Variants in PDE7B observed in about 807,000 individuals in gnomAD.
PDE7B encodes 3',5'-cyclic-AMP phosphodiesterase 7B.
PDE7B carries 29 observed loss-of-function variants against 56.2 expected under a neutral mutation model. The observed-to-expected ratio is 0.52, with a 90% CI of 0.38 to 0.70. The LOEUF (loss-of-function observed/expected upper bound fraction) is 0.70, where lower values mean the gene tolerates loss of function less well. PDE7B is among the 30% of genes least tolerant of loss of function. The pLI is 0.00. For synonymous variants in PDE7B, 197 were observed against 196.9 expected, an observed-to-expected ratio of 1.00 and a Z score of 0.00; for missense variants, 490 against 565.0, an observed-to-expected ratio of 0.87 and a Z score of 1.35.
intron 2 of PDE7B, among the ~76,000 whole-genome samples, chr6:136,056,113 G>A (rs1776724885): frequency 6.6e-6 from 1 of 152,150 alleles, no homozygotes; most frequent in African/African-American, 2.4e-5. Flanking sequence ...AATCTGGATG[G>A]CACTAGAAAG....
chr6:136,087,918 AAAAT>A (rs1270726930), intron 2 of PDE7B, among the ~76,000 whole-genome samples: 1 of 152,208 alleles, frequency 6.6e-6, no homozygotes, highest in Non-Finnish European at 1.5e-5. Context: ...TTAAATAAAT[AAAAT>A]AAATAAGCAA....
intron 1 of PDE7B, among the ~76,000 whole-genome samples, chr6:135,914,865 T>G (rs369232438): frequency 1.3e-5 from 2 of 150,054 alleles, no homozygotes; most frequent in East Asian, 4.0e-4. Context: ...GAGGCCGAGG[T>G]GGGCAGATCA....
intron 2 of PDE7B, among the ~76,000 whole-genome samples, chr6:135,962,319 A>G (rs1774916246): frequency 6.6e-6 from 1 of 152,096 alleles, no homozygotes; most frequent in African/African-American, 2.4e-5. Flanking sequence ...AGTGTTTTCA[A>G]TTGGCCTTTT....
chr6:135,858,128 T>A (rs1775072052), intron 1 of PDE7B, among the ~76,000 whole-genome samples: 1 of 152,082 alleles, frequency 6.6e-6, no homozygotes, highest in Non-Finnish European at 1.5e-5. Flanking sequence ...ATTTTATGTT[T>A]TTCATTTTAT....
intron 1 of PDE7B, among the ~76,000 whole-genome samples, chr6:135,889,523 C>T (rs1775770894): frequency 6.7e-6 from 1 of 148,942 alleles, no homozygotes; most frequent in African/African-American, 2.5e-5. Flanking sequence ...TCACTGTAAC[C>T]TCCACCTCCT....
At chr6:135,859,664 G>T (rs1007775008) in intron 1 of PDE7B, among the ~76,000 whole-genome samples, 2 of 151,872 alleles carry the variant, frequency 1.3e-5, no homozygotes, top group Non-Finnish European at 2.9e-5. Context: ...TGCCCCAAGT[G>T]CCCATGTGTG....
At position 136,078,585 on chromosome 6, in the gene PDE7B, G is replaced by GA. The variant is rs11323054; in HGVS notation, c.83-30135dup. Among the ~76,000 whole-genome samples, 501 of 145,572 alleles carry GA rather than the reference G, an allele frequency of 3.4e-3. 4 individuals are homozygous for GA. The highest frequency in any genetic ancestry group is 7.7e-3 in the African/African-American group (305 of 39,480). ...GGTGGTGAAAATGTTTAAAAATCCTGAAAAAAAAAAAGGTATTATGTAAAA... is the reference window on the plus strand; with the variant it reads ...GGTGGTGAAAATGTTTAAAAATCCTGAAAAAAAAAAAAGGTATTATGTAAAA... On this transcript the variant is annotated intron_variant, in intron 2 of 12. Coordinates refer to ENST00000308191, the MANE Select transcript of PDE7B (RefSeq NM_018945.4).
chr6:135,975,086 T>A (rs1180404561), intron 2 of PDE7B, among the ~76,000 whole-genome samples: 1 of 151,478 alleles, frequency 6.6e-6, no homozygotes, highest in Non-Finnish European at 1.5e-5. Context: ...GCTCTGCCAC[T>A]GCCACAAAAT....
chr6:136,104,061 G>A (rs1296046923), intron 2 of PDE7B, among the ~76,000 whole-genome samples: 1 of 152,212 alleles, frequency 6.6e-6, no homozygotes, highest in Non-Finnish European at 1.5e-5. Flanking sequence ...TCCTCAGGGA[G>A]GGTGAGGGGC....
chr6:136,120,031 A>C (rs1777904728), intron 3 of PDE7B, among the ~76,000 whole-genome samples: 1 of 152,154 alleles, frequency 6.6e-6, no homozygotes, highest in Admixed American at 6.5e-5. Flanking sequence ...GACGATTCAC[A>C]AGTGCACATC....
chr6:136,049,957 G>A (rs543344536), intron 2 of PDE7B, among the ~76,000 whole-genome samples: 1 of 151,412 alleles, frequency 6.6e-6, no homozygotes, highest in East Asian at 1.9e-4. Context: ...TTTTTATGGT[G>A]AGAAAGCTGA....
At chr6:136,167,653 C>T (rs1317143097) in intron 8 of PDE7B, among the ~76,000 whole-genome samples, 1 of 152,168 alleles carries the variant, frequency 6.6e-6, no homozygotes, top group Non-Finnish European at 1.5e-5. Context: ...TATACCATCT[C>T]TACCACCACT....
intron 11 of PDE7B, among the ~76,000 whole-genome samples, chr6:136,183,570 T>A (rs1344915472): frequency 1.5e-5 from 2 of 130,756 alleles, no homozygotes; most frequent in Non-Finnish European, 3.1e-5. Context: ...CACTCCAGCC[T>A]GGGTGACAGA....
intron 2 of PDE7B, among the ~76,000 whole-genome samples, chr6:135,959,346 G>C (rs1774857332): frequency 6.6e-6 from 1 of 152,126 alleles, no homozygotes; most frequent in Admixed American, 6.5e-5. Flanking sequence ...ACTATGTCAA[G>C]CTGCTTTCTA....
At chr6:136,153,165 A>G (rs1192568734) in intron 6 of PDE7B, among the ~76,000 whole-genome samples, 1 of 152,250 alleles carries the variant, frequency 6.6e-6, no homozygotes, top group Non-Finnish European at 1.5e-5. Context: ...CATAGGGCCA[A>G]ATAATTTTGA....
At chr6:135,917,585 C>A (rs1773979712) in intron 1 of PDE7B, among the ~76,000 whole-genome samples, 2 of 151,626 alleles carry the variant, frequency 1.3e-5, no homozygotes, top group Non-Finnish European at 2.9e-5. Context: ...TTCAAGTCTG[C>A]CTCTATTGAT....
At chr6:136,006,018 T>C (rs1265240947) in intron 2 of PDE7B, among the ~76,000 whole-genome samples, 1 of 151,786 alleles carries the variant, frequency 6.6e-6, no homozygotes, top group Non-Finnish European at 1.5e-5. Flanking sequence ...TGGAATACTA[T>C]GCAGCCATAA....
chr6:135,928,465 T>TTATTTATATATATA (rs1774232011), intron 1 of PDE7B, among the ~76,000 whole-genome samples: 2 of 75,562 alleles, frequency 2.6e-5, no homozygotes, highest in African/African-American at 5.4e-5. Flanking sequence ...ATATATATAT[T>TTATTTATATATATA]TATTTATATA....
At chr6:135,877,358 C>CTT (rs11302793) in intron 1 of PDE7B, among the ~76,000 whole-genome samples, 2 of 126,942 alleles carry the variant, frequency 1.6e-5, no homozygotes, top group South Asian at 2.6e-4. Flanking sequence ...TTACACATTC[C>CTT]TTTTTTTTTT....
Sources: gnomAD v4.1 joint callset for allele counts (sites outside exome capture counted in the v4.1 genomes callset) on GRCh38, gnomAD v4.1.1 for gene constraint, MANE v1.5 for transcripts, NCBI Gene and HGNC (gene_info 2026-07-23, HGNC 2026-07-21) for gene names.